CYP39A1: variants seen among roughly 807,000 people sequenced by gnomAD.
The protein encoded by CYP39A1 is 24-hydroxycholesterol 7-alpha-hydroxylase.
In CYP39A1, 49 loss-of-function variants were observed where a neutral mutation model predicts 58.1. The ratio of observed to expected loss-of-function variants is 0.84; its 90% confidence interval spans 0.67 to 1.07. The LOEUF is 1.07. CYP39A1 is among the 50% of genes least tolerant of loss of function. The pLI is 0.00. For missense variants in CYP39A1, 531 were observed against 539.4 expected, an observed-to-expected ratio of 0.98 and a Z score of 0.16; for synonymous variants, 209 against 187.6, an observed-to-expected ratio of 1.11 and a Z score of -0.93.
At chr6:46,606,769 CAT>C (rs537253711) in intron 7 of CYP39A1, among the ~76,000 whole-genome samples, 225 of 152,230 alleles carry the variant, frequency 1.5e-3, no homozygotes, top group African/African-American at 4.9e-3. Context: ...ATTGCATACT[CAT>C]AATGATGTGT....
At chr6:46,633,012 G>A (rs1775754160) in intron 5 of CYP39A1, among the ~76,000 whole-genome samples, 1 of 151,860 alleles carries the variant, frequency 6.6e-6, no homozygotes, top group Admixed American at 6.5e-5. Flanking sequence ...AATTTGTCAA[G>A]GGATTAACTA....
chr6:46,559,214 T>TAAAGTAA (rs1355016071), intron 10 of CYP39A1, among the ~76,000 whole-genome samples: 1 of 152,056 alleles, frequency 6.6e-6, no homozygotes, highest in African/African-American at 2.4e-5. Context: ...CTAAAGCCCC[T>TAAAGTAA]CATGTTACTC....
At chr6:46,574,955 G>A (rs918684098) in intron 10 of CYP39A1, among the ~76,000 whole-genome samples, 2 of 151,894 alleles carry the variant, frequency 1.3e-5, no homozygotes, top group Non-Finnish European at 2.9e-5. Flanking sequence ...TTGGAAAGAA[G>A]GCATGGAGAG....
chr6:46,563,258 G>A (rs1375524553), intron 10 of CYP39A1, among the ~76,000 whole-genome samples: 7 of 152,032 alleles, frequency 4.6e-5, no homozygotes, highest in East Asian at 1.9e-4. Context: ...TTGTAAATTC[G>A]TATTTTTACA....
chr6:46,590,340 G>T (rs1245241102), intron 8 of CYP39A1, among the ~76,000 whole-genome samples: 2 of 152,042 alleles, frequency 1.3e-5, no homozygotes, highest in African/African-American at 4.8e-5. Flanking sequence ...ATCTAGAAGT[G>T]GGGCTTTCTT....
At chr6:46,614,612 T>C (rs1774419728) in intron 7 of CYP39A1, among the ~76,000 whole-genome samples, 1 of 152,196 alleles carries the variant, frequency 6.6e-6, no homozygotes, top group South Asian at 2.1e-4. Context: ...CATTCACTTT[T>C]CCTGATAGCT....
chr6:46,570,755 CTT>C (rs1561956697), intron 10 of CYP39A1, among the ~76,000 whole-genome samples: 1 of 152,088 alleles, frequency 6.6e-6, no homozygotes, highest in African/African-American at 2.4e-5. Context: ...GTTCCAAACT[CTT>C]TTTAACAATC....
At chr6:46,554,666 T>C (rs934729844) in intron 10 of CYP39A1, among the ~76,000 whole-genome samples, 1 of 152,208 alleles carries the variant, frequency 6.6e-6, no homozygotes, top group African/African-American at 2.4e-5. Context: ...TGTGTCCCAT[T>C]GGGTTGTTTT....
intron 6 of CYP39A1, 81 bp from the exon 7 acceptor site, chr6:46,625,589 A>T: frequency 7.1e-6 from 7 of 988,432 alleles, no homozygotes; most frequent in Non-Finnish European, 1.0e-5. Flanking sequence ...CCATACATAT[A>T]TTTTTTAAAA....
chr6:46,626,033 ATGTC>A (rs1775290929), intron 6 of CYP39A1, among the ~76,000 whole-genome samples: 1 of 151,504 alleles, frequency 6.6e-6, no homozygotes, highest in Admixed American at 6.6e-5. Flanking sequence ...AGAGTACTCA[ATGTC>A]AAAAACAAAG....
chr6:46,639,509 A>T lies in CYP39A1; in HGVS notation c.473T>A (p.Leu158Gln). Residue 158 changes from leucine (L) to glutamine (Q), a missense_variant, in exon 3 of 12, where the codon CTG (leucine) becomes CAG (glutamine). Leu to Gln is a moderately radical substitution (Grantham distance 113). Coordinates refer to ENST00000275016, the MANE Select transcript of CYP39A1 (RefSeq NM_016593.5). ...GTCTATTTACCTTACTAAGTTGTTCAGGTCCATTGTCCCATGAGTGCCTAA... is the reference window on the plus strand; with the variant it reads ...GTCTATTTACCTTACTAAGTTGTTCTGGTCCATTGTCCCATGAGTGCCTAA... The part of the protein sequence containing the change: ...ENLGTHGTMD[L>Q]NNLVRHLLYP... 6.2e-7 allele frequency: 1 copy of T among 1,614,032 alleles called. No homozygotes were observed. Among genetic ancestry groups the T allele is most frequent in the Non-Finnish European group, 8.5e-7 (1 of 1,179,968 alleles).
chr6:46,608,034 T>A (rs749726049), intron 7 of CYP39A1, among the ~76,000 whole-genome samples: 1 of 152,102 alleles, frequency 6.6e-6, no homozygotes, highest in African/African-American at 2.4e-5. Context: ...AGATAATAGA[T>A]GAAAAACAAA....
intron 1 of CYP39A1, among the ~76,000 whole-genome samples, chr6:46,647,092 T>A (rs1359277066): frequency 6.6e-6 from 1 of 152,082 alleles, no homozygotes; most frequent in Admixed American, 6.6e-5. Flanking sequence ...CTTATTTTAC[T>A]CTGTTTATAA....
intron 10 of CYP39A1, among the ~76,000 whole-genome samples, chr6:46,571,176 T>C (rs532896734): frequency 3.1e-4 from 47 of 152,270 alleles, no homozygotes; most frequent in African/African-American, 1.1e-3. Flanking sequence ...ACATAGGTGC[T>C]TGAGAAGAAT....
At chr6:46,602,654 A>G (rs1333970238) in intron 7 of CYP39A1, among the ~76,000 whole-genome samples, 1 of 150,650 alleles carries the variant, frequency 6.6e-6, no homozygotes, top group Admixed American at 6.6e-5. Flanking sequence ...CTCTACTAAA[A>G]ATACAAAATC....
chr6:46,596,209 C>T, intron 7 of CYP39A1, 89 bp from the exon 8 acceptor site: 3 of 940,410 alleles, frequency 3.2e-6, no homozygotes, highest in Non-Finnish European at 4.7e-6. Context: ...TTAGATGTTG[C>T]CTCTGACAGC....
chr6:46,648,599 C>T (rs894000219), intron 1 of CYP39A1, among the ~76,000 whole-genome samples: 2 of 151,730 alleles, frequency 1.3e-5, no homozygotes, highest in Non-Finnish European at 2.9e-5. Flanking sequence ...AGCACACCAA[C>T]ATGGCACATG....
intron 5 of CYP39A1, among the ~76,000 whole-genome samples, chr6:46,636,186 T>C (rs145874581): frequency 3.3e-5 from 5 of 152,334 alleles, no homozygotes; most frequent in African/African-American, 1.2e-4. Context: ...TCTCTGGTTT[T>C]TTCTTATGTG....
chr6:46,563,665 T>A (rs1771101356), intron 10 of CYP39A1, among the ~76,000 whole-genome samples: 1 of 152,116 alleles, frequency 6.6e-6, no homozygotes, highest in Admixed American at 6.6e-5. Flanking sequence ...CTGGCATGAT[T>A]AACACTGACT....
Sources: allele counts gnomAD v4.1 joint callset (sites outside exome capture counted in the v4.1 genomes callset), GRCh38; gene constraint gnomAD v4.1.1; transcripts MANE v1.5; gene names NCBI Gene and HGNC (gene_info 2026-07-23, HGNC 2026-07-21).